The following ADAMTSL1 variants were observed in gnomAD, a reference collection of about 807,000 sequenced individuals.
ADAMTSL1 encodes the protein ADAMTS like 1.
ADAMTSL1 carries 126 observed loss-of-function variants against 201.8 expected under a neutral mutation model. That is an observed-to-expected ratio of 0.62 (90% CI 0.54 to 0.72). The LOEUF is 0.72. Among genes scored for constraint, ADAMTSL1 ranks in the 30% least tolerant of loss-of-function variants. The pLI, the probability that ADAMTSL1 is intolerant of heterozygous loss-of-function variation, is 0.00. For synonymous variants in ADAMTSL1, 1,121 were observed against 903.4 expected, an observed-to-expected ratio of 1.24 and a Z score of -4.32; for missense variants, 2,679 against 2,277.8, an observed-to-expected ratio of 1.18 and a Z score of -3.59.
intron 23 of ADAMTSL1, among the ~76,000 whole-genome samples, chr9:18,878,020 TCTG>T (rs1355576969): frequency 6.6e-6 from 1 of 152,150 alleles, no homozygotes. Context: ...TATGGCTGCC[TCTG>T]CTATGTCATA....
chr9:18,768,577 A>G (rs575539611), intron 16 of ADAMTSL1, among the ~76,000 whole-genome samples: 1 of 151,330 alleles, frequency 6.6e-6, no homozygotes, highest in South Asian at 2.1e-4. Context: ...CTAAGAAAAT[A>G]CATCCTTTTT....
intron 1 of ADAMTSL1, among the ~76,000 whole-genome samples, chr9:18,126,277 C>T (rs1481621894): frequency 1.3e-5 from 2 of 152,174 alleles, no homozygotes; most frequent in African/African-American, 4.8e-5. Flanking sequence ...ACCCACCATC[C>T]AGATCAAGTA....
chr9:18,381,397 C>A (rs1164321031), intron 2 of ADAMTSL1, among the ~76,000 whole-genome samples: 4 of 152,076 alleles, frequency 2.6e-5, no homozygotes, highest in African/African-American at 9.7e-5. Flanking sequence ...TTTTGAGAAA[C>A]TTTTGGGACA....
Position 18,837,319 on chromosome 9 carries a change from C to T in ADAMTSL1, c.4249+7342C>T, listed in dbSNP as rs148542815. ...TGAAGTTTGTTTTTATACATATGGA[C>T]ATCTAACTTATCCACTACAATTTGC... On this transcript the variant is annotated intron_variant, in intron 23 of 28. Transcript: ENST00000380548. 1.8e-3 allele frequency among the ~76,000 whole-genome samples: 281 copies of T among 152,314 alleles called. 2 individuals carry two copies. The highest frequency in any genetic ancestry group is 4.2e-3 in the Admixed American group (65 of 15,304).
intron 3 of ADAMTSL1, among the ~76,000 whole-genome samples, chr9:18,570,112 A>G (rs1454935548): frequency 2.6e-5 from 4 of 152,092 alleles, no homozygotes; most frequent in African/African-American, 9.6e-5. Context: ...TAATTCCAGC[A>G]CTTAGGGAGG....
chr9:18,014,018 C>T (rs893496812), intron 1 of ADAMTSL1, among the ~76,000 whole-genome samples: 3 of 151,964 alleles, frequency 2.0e-5, no homozygotes, highest in South Asian at 4.1e-4. Context: ...TGCCACCTTC[C>T]AGAGATTACC....
At chr9:18,101,144 A>G (rs181821050) in intron 1 of ADAMTSL1, among the ~76,000 whole-genome samples, 3 of 152,340 alleles carry the variant, frequency 2.0e-5, no homozygotes, top group Admixed American at 6.5e-5. Context: ...GAAGTCCTAC[A>G]TAATACTTTT....
At chr9:18,694,499 G>A (rs543079869) in intron 13 of ADAMTSL1, among the ~76,000 whole-genome samples, 5 of 152,270 alleles carry the variant, frequency 3.3e-5, no homozygotes, top group South Asian at 4.1e-4. Context: ...CATTCTAAAC[G>A]GGAGAAATTA....
chr9:18,295,917 C>T (rs73428921), intron 2 of ADAMTSL1, among the ~76,000 whole-genome samples: 5,105 of 152,180 alleles, frequency 0.034, 160 homozygotes, highest in African/African-American at 0.081. Flanking sequence ...AGATCTGTCA[C>T]GACCTTAATT....
At chr9:17,945,583 T>C (rs572542581) in intron 1 of ADAMTSL1, among the ~76,000 whole-genome samples, 2 of 152,134 alleles carry the variant, frequency 1.3e-5, no homozygotes, top group East Asian at 1.9e-4. Context: ...CCAACAATGA[T>C]AGACTGGATT....
At chr9:18,285,860 C>T (rs914283634) in intron 2 of ADAMTSL1, among the ~76,000 whole-genome samples, 3 of 152,104 alleles carry the variant, frequency 2.0e-5, no homozygotes, top group Non-Finnish European at 4.4e-5. Context: ...ATGTACAGTA[C>T]AATAAAACTC....
intron 1 of ADAMTSL1, among the ~76,000 whole-genome samples, chr9:17,939,313 T>G (rs1329170849): frequency 1.3e-5 from 2 of 151,126 alleles, no homozygotes. Context: ...TTTTTTTAAC[T>G]CTCACAACCA....
chr9:18,309,373 G>A (rs1411212062), intron 2 of ADAMTSL1, among the ~76,000 whole-genome samples: 2 of 152,058 alleles, frequency 1.3e-5, no homozygotes, highest in Non-Finnish European at 2.9e-5. Flanking sequence ...AGTGTATTCA[G>A]ATAGGAAGAG....
At chr9:17,984,839 G>A (rs1294079998) in intron 1 of ADAMTSL1, among the ~76,000 whole-genome samples, 2 of 152,114 alleles carry the variant, frequency 1.3e-5, no homozygotes, top group African/African-American at 2.4e-5. Context: ...AGTGGTAAGA[G>A]TTTGGGGGCC....
chr9:18,603,324 CATCT>C (rs1824781418), intron 4 of ADAMTSL1, among the ~76,000 whole-genome samples: 2 of 151,874 alleles, frequency 1.3e-5, no homozygotes, highest in Non-Finnish European at 2.9e-5. Flanking sequence ...GATTTAGATC[CATCT>C]GTCTCCAAAG....
chr9:18,308,213 T>C (rs1436338490), intron 2 of ADAMTSL1, among the ~76,000 whole-genome samples: 2 of 152,162 alleles, frequency 1.3e-5, no homozygotes. Context: ...GGGAAATTTA[T>C]AGCACTAAAT....
chr9:18,287,977 A>G (rs1231574646), intron 2 of ADAMTSL1, among the ~76,000 whole-genome samples: 1 of 152,202 alleles, frequency 6.6e-6, no homozygotes, highest in Admixed American at 6.5e-5. Context: ...CAGTCCTTCT[A>G]AAGTGTATTG....
chr9:18,213,493 T>G (rs1829955608), intron 2 of ADAMTSL1, among the ~76,000 whole-genome samples: 1 of 152,188 alleles, frequency 6.6e-6, no homozygotes, highest in South Asian at 2.1e-4. Flanking sequence ...GAGATGATGC[T>G]GAAAAGGTGA....
At chr9:18,224,439 C>T (rs1437079174) in intron 2 of ADAMTSL1, among the ~76,000 whole-genome samples, 3 of 152,110 alleles carry the variant, frequency 2.0e-5, no homozygotes, top group Non-Finnish European at 4.4e-5. Flanking sequence ...CCCAAAAGCC[C>T]ACCTCCCAAC....
Sources: allele counts gnomAD v4.1 joint callset (sites outside exome capture counted in the v4.1 genomes callset), GRCh38; gene constraint gnomAD v4.1.1; transcripts MANE v1.5; gene names NCBI Gene and HGNC (gene_info 2026-07-23, HGNC 2026-07-21).